The following ZMIZ1 variants were observed in gnomAD, a reference collection of about 807,000 sequenced individuals.
The protein encoded by ZMIZ1 is zinc finger MIZ-type containing 1.
In ZMIZ1, 17 loss-of-function variants were observed where a neutral mutation model predicts 113.9. That is an observed-to-expected ratio of 0.15 (90% CI 0.10 to 0.22). ZMIZ1 has a LOEUF of 0.22. ZMIZ1 is among the 10% of genes least tolerant of loss of function. The pLI is 1.00. For missense variants in ZMIZ1, 1,059 were observed against 1,477.8 expected (o/e 0.72, Z 4.65); for synonymous variants, 607 against 603.1 (o/e 1.01, Z -0.09).
At chr10:79,130,500 C>T (rs749964002) in intron 2 of ZMIZ1, among the ~76,000 whole-genome samples, 80 of 152,224 alleles carry the variant, frequency 5.3e-4, no homozygotes, top group Non-Finnish European at 9.7e-4. Flanking sequence ...CTCAGACTCC[C>T]CCTTGAGCTG....
At chr10:79,078,400 T>A (rs1842545841) in intron 1 of ZMIZ1, among the ~76,000 whole-genome samples, 1 of 151,738 alleles carries the variant, frequency 6.6e-6, no homozygotes, top group Non-Finnish European at 1.5e-5. Context: ...CATAATCTCT[T>A]CCCGAAGTGG....
chr10:79,119,577 GCCACTGCCC>G (rs1844196993), intron 2 of ZMIZ1, among the ~76,000 whole-genome samples: 1 of 152,234 alleles, frequency 6.6e-6, no homozygotes, highest in Admixed American at 6.5e-5. Context: ...CAGTGCGCCA[GCCACTGCCC>G]GCTGGCCTAC....
chr10:79,252,531 C>T (rs1413949244), intron 7 of ZMIZ1, among the ~76,000 whole-genome samples: 1 of 152,154 alleles, frequency 6.6e-6, no homozygotes, highest in Non-Finnish European at 1.5e-5. Flanking sequence ...CTTCCCTGGA[C>T]ACCTCCCCAG....
intron 4 of ZMIZ1, among the ~76,000 whole-genome samples, chr10:79,173,526 G>A (rs1846693304): frequency 6.6e-6 from 1 of 152,072 alleles, no homozygotes; most frequent in Non-Finnish European, 1.5e-5. Flanking sequence ...GGGGCGGGGT[G>A]GCTTCTCCAG....
At chr10:79,129,160 C>T (rs1043775242) in intron 2 of ZMIZ1, among the ~76,000 whole-genome samples, 1 of 152,284 alleles carries the variant, frequency 6.6e-6, no homozygotes, top group East Asian at 1.9e-4. Context: ...TAATGTCACT[C>T]TCCCCCACCT....
At chr10:79,242,045 G>A (rs11596458) in intron 7 of ZMIZ1, among the ~76,000 whole-genome samples, 2,817 of 152,216 alleles carry the variant, frequency 0.019, 28 homozygotes, top group Middle Eastern at 0.031. Flanking sequence ...CTGGGGGAGG[G>A]AGCTATAAAA....
At chr10:79,122,022 A>C (rs1294505208) in intron 2 of ZMIZ1, among the ~76,000 whole-genome samples, 3 of 151,154 alleles carry the variant, frequency 2.0e-5, no homozygotes, top group Non-Finnish European at 4.4e-5. Context: ...TGAATTACAA[A>C]GGATTTCAAG....
intron 7 of ZMIZ1, among the ~76,000 whole-genome samples, chr10:79,226,420 T>C (rs12357825): frequency 0.07 from 10,631 of 152,204 alleles, 501 homozygotes; most frequent in South Asian, 0.16. Context: ...AGCCACCCTA[T>C]CCACAGGTGC....
chr10:79,233,248 G>A (rs1299177486), intron 7 of ZMIZ1, among the ~76,000 whole-genome samples: 1 of 152,248 alleles, frequency 6.6e-6, no homozygotes, highest in Non-Finnish European at 1.5e-5. Context: ...GGAGACTGAG[G>A]CAGGGAACAG....
chr10:79,303,179 G>A (rs1348431856), intron 18 of ZMIZ1, among the ~76,000 whole-genome samples: 1 of 151,614 alleles, frequency 6.6e-6, no homozygotes, highest in African/African-American at 2.4e-5. Context: ...TTAAACTCAG[G>A]AGAGGACTGG....
At chr10:79,131,981 C>G (rs961102870) in intron 2 of ZMIZ1, among the ~76,000 whole-genome samples, 2 of 152,198 alleles carry the variant, frequency 1.3e-5, no homozygotes, top group African/African-American at 2.4e-5. Context: ...GCTGAAAGAC[C>G]TTTGAGCACT....
rs1035012992 is a variant in ZMIZ1 at position 79,069,308 on chromosome 10, G to A, written c.-337+38G>A. The A allele has an allele frequency of 6.6e-6, 1 of 150,498 alleles. No individual in the cohort carries two copies. The highest frequency in any genetic ancestry group is 1.5e-5 in the Non-Finnish European group (1 of 67,422). 9.3% of individuals were successfully genotyped at this position (150,498 alleles called of 1,614,324 possible). On this transcript the variant is annotated intron_variant, in intron 1 of 24. Coordinates refer to ENST00000334512, the MANE Select transcript of ZMIZ1 (RefSeq NM_020338.4). This position sits in a 1 kb window ranked among gnomAD's most constrained non-coding sequence, Gnocchi z 4.6. ...CCAGAGCCAGGCGCCCGCTGGCTCC[G>A]GGGCTACCTCCCGCTCCCCGGGGAC...
chr10:79,112,868 G>A (rs981972446), intron 1 of ZMIZ1, among the ~76,000 whole-genome samples: 1 of 152,196 alleles, frequency 6.6e-6, no homozygotes, highest in African/African-American at 2.4e-5. Context: ...AGGCGTTGGT[G>A]GTAAACAACC....
chr10:79,293,601 C>G lies in ZMIZ1; in HGVS notation c.1178C>G (p.Pro393Arg). The change falls in exon 12 of 25, where the codon CCC (proline) becomes CGC (arginine). Residue 393 changes from proline to arginine, a missense_variant. Pro to Arg is a moderately radical substitution (Grantham distance 103). Transcript: ENST00000334512. ...QRMPQQTYPGPRPQSLPIQNI... is the reference protein window; with the variant it reads ...QRMPQQTYPGRRPQSLPIQNI... ...ATGCCCCAGCAGACCTACCCGGGCCCCCGGCCCCAGTCCCTTCCTATTCAG... is the reference window on the plus strand; with the variant it reads ...ATGCCCCAGCAGACCTACCCGGGCCGCCGGCCCCAGTCCCTTCCTATTCAG... 6.2e-7 allele frequency: 1 copy of G among 1,613,136 alleles called. No homozygotes were observed. Among genetic ancestry groups the G allele is most frequent in the African/African-American group, 1.3e-5 (1 of 75,070 alleles).
At chr10:79,083,784 G>A (rs950858250) in intron 1 of ZMIZ1, among the ~76,000 whole-genome samples, 1 of 152,212 alleles carries the variant, frequency 6.6e-6, no homozygotes, top group African/African-American at 2.4e-5. Context: ...CACTGGGAAT[G>A]CCTGTCCACC....
At chr10:79,262,068 G>A (rs977750134) in intron 7 of ZMIZ1, among the ~76,000 whole-genome samples, 1 of 152,194 alleles carries the variant, frequency 6.6e-6, no homozygotes, top group Admixed American at 6.5e-5. Context: ...ACATGCTTCT[G>A]CTGGCCCTAA....
intron 7 of ZMIZ1, among the ~76,000 whole-genome samples, chr10:79,230,481 G>A (rs535536655): frequency 3.9e-5 from 6 of 152,282 alleles, no homozygotes; most frequent in African/African-American, 7.2e-5. Flanking sequence ...TCCAGGCTCC[G>A]TGTGGTCTTG....
chr10:79,232,265 C>G (rs572243701), intron 7 of ZMIZ1, among the ~76,000 whole-genome samples: 2 of 152,242 alleles, frequency 1.3e-5, no homozygotes, highest in East Asian at 3.9e-4. Context: ...ATCCCAATGA[C>G]TGAGACAGAA....
intron 7 of ZMIZ1, among the ~76,000 whole-genome samples, chr10:79,246,064 T>A (rs1403225203): frequency 6.6e-6 from 1 of 152,236 alleles, no homozygotes; most frequent in Non-Finnish European, 1.5e-5. Flanking sequence ...TTCTCTAGCA[T>A]TTGTTTTGTG....
Sources: gnomAD v4.1 joint callset for allele counts (sites outside exome capture counted in the v4.1 genomes callset) on GRCh38, gnomAD v4.1.1 for gene constraint, Gnocchi (gnomAD v3.1) non-coding constraint, MANE v1.5 for transcripts, NCBI Gene and HGNC (gene_info 2026-07-23, HGNC 2026-07-21) for gene names.